The following AUTS2 variants were observed in gnomAD, a reference collection of about 807,000 sequenced individuals.
AUTS2 encodes the protein activator of transcription and developmental regulator AUTS2.
AUTS2 carries 17 observed loss-of-function variants against 112.4 expected under a neutral mutation model. That is an observed-to-expected ratio of 0.15 (90% CI 0.10 to 0.23). The LOEUF (loss-of-function observed/expected upper bound fraction) is 0.23, where lower values mean the gene tolerates loss of function less well. AUTS2 is among the 10% of genes least tolerant of loss of function. The pLI, the probability that AUTS2 is intolerant of heterozygous loss-of-function variation, is 1.00. For missense variants in AUTS2, 1,510 were observed against 1,701.6 expected, an observed-to-expected ratio of 0.89 and a Z score of 1.98; for synonymous variants, 751 against 702.7, an observed-to-expected ratio of 1.07 and a Z score of -1.09.
intron 2 of AUTS2, among the ~76,000 whole-genome samples, chr7:70,031,819 G>A (rs1275536892): frequency 2.6e-5 from 4 of 152,064 alleles, no homozygotes; most frequent in South Asian, 4.1e-4. Flanking sequence ...TGTCCCTTAC[G>A]AAATAAAAGC....
rs759419439 is a variant in AUTS2 at position 70,766,338 on chromosome 7, C to G, written c.1689+4C>G. 6.2e-7 allele frequency: 1 copy of G among 1,613,780 alleles called. No individual in the cohort carries two copies. The highest frequency in any genetic ancestry group is 8.5e-7 in the Non-Finnish European group (1 of 1,179,916). On this transcript the variant is annotated splice_donor_region_variant and intron_variant, in intron 9 of 18. Coordinates refer to ENST00000342771, the MANE Select transcript of AUTS2 (RefSeq NM_015570.4). The surrounding 1 kb of genome is among the most constrained non-coding windows in gnomAD (Gnocchi z 4.8). ...GCCGACGCCAGCACCTCCCATGGTG[C>G]GTACCCCAGGCAGAAATGTGAGGAT... is the stretch of plus-strand genomic sequence containing the variant.
intron 4 of AUTS2, among the ~76,000 whole-genome samples, chr7:70,341,964 G>C (rs189468552): frequency 1.8e-4 from 27 of 152,184 alleles, no homozygotes; most frequent in African/African-American, 6.3e-4. Flanking sequence ...TTGGGCCCGG[G>C]ACAGCTATAG....
chr7:70,645,541 T>C (rs77944870), intron 5 of AUTS2, among the ~76,000 whole-genome samples: 6,753 of 152,182 alleles, frequency 0.044, 186 homozygotes, highest in East Asian at 0.07. Flanking sequence ...CAGCTAAGTG[T>C]GGTTTTTTCC....
chr7:69,653,506 C>T (rs1047742707), intron 1 of AUTS2, among the ~76,000 whole-genome samples: 1 of 152,186 alleles, frequency 6.6e-6, no homozygotes, highest in Non-Finnish European at 1.5e-5. Flanking sequence ...TGAGAGAACA[C>T]TTCTCACTCA....
intron 1 of AUTS2, among the ~76,000 whole-genome samples, chr7:69,600,815 C>T (rs1792361079): frequency 6.6e-6 from 1 of 152,042 alleles, no homozygotes; most frequent in African/African-American, 2.4e-5. Flanking sequence ...ATCTGAAGGG[C>T]TTGTCACCAA....
At chr7:70,334,776 C>T (rs991359820) in intron 4 of AUTS2, among the ~76,000 whole-genome samples, 1 of 152,044 alleles carries the variant, frequency 6.6e-6, no homozygotes, top group Non-Finnish European at 1.5e-5. Context: ...TTTTTTGGTA[C>T]TGTGTGATAA....
At chr7:70,302,960 T>G (rs1404149751) in intron 4 of AUTS2, among the ~76,000 whole-genome samples, 1 of 151,590 alleles carries the variant, frequency 6.6e-6, no homozygotes, top group Non-Finnish European at 1.5e-5. Flanking sequence ...ATATCCTTTC[T>G]CTTTAAAAAC....
At chr7:70,284,149 C>T (rs1370238612) in intron 4 of AUTS2, among the ~76,000 whole-genome samples, 3 of 152,144 alleles carry the variant, frequency 2.0e-5, no homozygotes, top group Non-Finnish European at 4.4e-5. Flanking sequence ...ATTAAGTTCA[C>T]AATAAATTAT....
At chr7:70,053,775 C>T (rs943191270) in intron 2 of AUTS2, among the ~76,000 whole-genome samples, 2 of 152,080 alleles carry the variant, frequency 1.3e-5, no homozygotes, top group Non-Finnish European at 2.9e-5. Flanking sequence ...GAACTGGGCT[C>T]AAGAGGTCCT....
intron 4 of AUTS2, among the ~76,000 whole-genome samples, chr7:70,227,410 A>G (rs1355518129): frequency 6.6e-6 from 1 of 152,122 alleles, no homozygotes; most frequent in East Asian, 1.9e-4. Context: ...TGTTAAGCAT[A>G]TAATTCAATG....
chr7:69,956,736 G>A (rs1384092866), intron 2 of AUTS2, among the ~76,000 whole-genome samples: 1 of 152,168 alleles, frequency 6.6e-6, no homozygotes. Flanking sequence ...CCTGAAGGAA[G>A]AGTGGGAGTT....
rs190385625 is a variant in AUTS2 at position 70,419,018 on chromosome 7, G to A, written c.661-16734G>A. On this transcript the variant is annotated intron_variant, in intron 4 of 18. Transcript: ENST00000342771. ...TTGAGAGGTAGTTACTATCACCCCC[G>A]TTTTATTGATTAAAAAAAGAAATTG... Among the ~76,000 whole-genome samples the A allele has an allele frequency of 6.6e-5, 10 of 151,898 alleles. No individual in the cohort carries two copies. In the East Asian group the frequency reaches 1.2e-3, roughly 18 times the overall value.
At chr7:70,465,586 G>A (rs2115716305) in intron 5 of AUTS2, among the ~76,000 whole-genome samples, 1 of 152,224 alleles carries the variant, frequency 6.6e-6, no homozygotes, top group South Asian at 2.1e-4. Context: ...AGAGAATTGG[G>A]GAATAGAGGG....
chr7:70,738,132 T>G (rs1787877024), intron 6 of AUTS2, among the ~76,000 whole-genome samples: 1 of 152,148 alleles, frequency 6.6e-6, no homozygotes, highest in African/African-American at 2.4e-5. Context: ...TCATGGGCCC[T>G]TCTGCAAACT....
At chr7:70,469,063 A>G (rs1050853347) in intron 5 of AUTS2, among the ~76,000 whole-genome samples, 6 of 152,204 alleles carry the variant, frequency 3.9e-5, no homozygotes, top group African/African-American at 1.2e-4. Context: ...TGTGAGGAAA[A>G]CAGATAGCTT....
intron 5 of AUTS2, chr7:70,596,314 C>G (rs1803206545): frequency 6.6e-6 from 1 of 152,130 alleles, no homozygotes; most frequent in South Asian, 2.1e-4. Flanking sequence ...TGCGGGGCTG[C>G]CCGGGCGTCC....
chr7:70,415,400 A>C (rs546018583), intron 4 of AUTS2, among the ~76,000 whole-genome samples: 1 of 152,354 alleles, frequency 6.6e-6, no homozygotes, highest in South Asian at 2.1e-4. Context: ...ATGTGTAAGC[A>C]TATTGCATAG....
At chr7:70,469,361 C>T (rs1056413567) in intron 5 of AUTS2, among the ~76,000 whole-genome samples, 9 of 151,994 alleles carry the variant, frequency 5.9e-5, no homozygotes, top group Admixed American at 1.3e-4. Context: ...TAAGGAAGGG[C>T]CCAAATAAAG....
At chr7:70,040,770 G>A (rs1584623047) in intron 2 of AUTS2, among the ~76,000 whole-genome samples, 1 of 152,174 alleles carries the variant, frequency 6.6e-6, no homozygotes, top group African/African-American at 2.4e-5. Flanking sequence ...ACTCTCTAAT[G>A]GAGGTTAAAG....
Sources: allele counts gnomAD v4.1 joint callset (sites outside exome capture counted in the v4.1 genomes callset), GRCh38; gene constraint gnomAD v4.1.1; non-coding constraint Gnocchi (gnomAD v3.1); transcripts MANE v1.5; gene names NCBI Gene and HGNC (gene_info 2026-07-23, HGNC 2026-07-21).